THOC5: variants seen among roughly 807,000 people sequenced by gnomAD.
THOC5 encodes the protein Fms-interacting protein.
In THOC5, 43 loss-of-function variants were observed where a neutral mutation model predicts 92.9. That is an observed-to-expected ratio of 0.46 (90% CI 0.36 to 0.60). THOC5 has a LOEUF of 0.60. Ranked by LOEUF, THOC5 falls within the 20% of genes least tolerant of loss-of-function variation. THOC5 has a pLI of 0.00. For missense variants in THOC5, 659 were observed against 849.4 expected (o/e 0.78, Z 2.79); for synonymous variants, 296 against 320.1 (o/e 0.92, Z 0.80).
At chr22:29,529,815 C>T (rs2063616809) in intron 8 of THOC5, among the ~76,000 whole-genome samples, 1 of 152,164 alleles carries the variant, frequency 6.6e-6, no homozygotes, top group African/African-American at 2.4e-5. Context: ...ACTGTCTGAG[C>T]CTCAGTTTCT....
Position 29,517,375 on chromosome 22 carries a change from G to C in THOC5, c.1490-9C>G. The stretch of plus-strand genomic sequence containing the variant: ...TGGCACAATGCCATGTTCTAAAAGA[G>C]AACAAGACAGATGACGTCACAGGTA... On this transcript the variant is annotated splice_polypyrimidine_tract_variant and intron_variant, in intron 15 of 19. Coordinates refer to ENST00000490103, the MANE Select transcript of THOC5 (RefSeq NM_003678.5). The C allele has an allele frequency of 6.2e-7, 1 of 1,611,950 alleles. No individual in the cohort carries two copies. Among genetic ancestry groups the C allele is most frequent in the Non-Finnish European group, 8.5e-7 (1 of 1,178,500 alleles).
At chr22:29,541,403 A>G (rs571710055) in intron 5 of THOC5, among the ~76,000 whole-genome samples, 2 of 148,680 alleles carry the variant, frequency 1.3e-5, no homozygotes, top group East Asian at 4.2e-4. Flanking sequence ...GCTACTCAGG[A>G]GGCTGAAATG....
chr22:29,536,349 GTAAAC>G (rs1479509162), intron 7 of THOC5: 8 of 343,030 alleles, frequency 2.3e-5, no homozygotes, highest in Non-Finnish European at 4.2e-5. Flanking sequence ...CATGCAGGGG[GTAAAC>G]TAAATTTACA....
rs758561134 is a variant in THOC5, at chr22:29,528,410, A to G, written c.966+16T>C. 6 of 1,613,968 alleles carry G rather than the reference A, an allele frequency of 3.7e-6. No homozygotes were observed. Among genetic ancestry groups the G allele is most frequent in the Non-Finnish European group, 5.1e-6 (6 of 1,180,018 alleles). On this transcript the variant is annotated intron_variant, in intron 10 of 19. Coordinates refer to ENST00000490103, the MANE Select transcript of THOC5 (RefSeq NM_003678.5). Reference sequence around the variant, plus strand: ...TGCAGCTGCTTGATGCCCCCACAAGAGGAAATGGTTCTCACCGTAGTCTGC... The same window carrying G: ...TGCAGCTGCTTGATGCCCCCACAAGGGGAAATGGTTCTCACCGTAGTCTGC...
chr22:29,521,896 C>T (rs1035990986), intron 12 of THOC5, among the ~76,000 whole-genome samples: 3 of 152,116 alleles, frequency 2.0e-5, no homozygotes, highest in Non-Finnish European at 2.9e-5. Context: ...TTGGGCAGCA[C>T]GTGCCGGTCC....
chr22:29,541,392 A>C (rs1280680646), intron 5 of THOC5, among the ~76,000 whole-genome samples: 2 of 151,254 alleles, frequency 1.3e-5, no homozygotes, highest in Non-Finnish European at 2.9e-5. Context: ...CAATAGTCCC[A>C]GCTACTCAGG....
At chr22:29,550,993 A>G (rs2064130640) in intron 1 of THOC5, 1 of 152,190 alleles carries the variant, frequency 6.6e-6, no homozygotes, top group East Asian at 1.9e-4. Flanking sequence ...GCCTTAAACA[A>G]CAAAATCTAG....
intron 15 of THOC5, 87 bp from the exon 16 acceptor site, chr22:29,517,453 G>T: frequency 8.6e-7 from 1 of 1,167,928 alleles, no homozygotes; most frequent in Admixed American, 2.0e-5. Context: ...CTCTCTGAAG[G>T]GCTCAGATGG....
intron 12 of THOC5, among the ~76,000 whole-genome samples, chr22:29,522,104 A>C (rs572432531): frequency 6.6e-6 from 1 of 151,744 alleles, no homozygotes; most frequent in South Asian, 2.1e-4. Context: ...TAATCCCAGC[A>C]CTTTGAGAGG....
chr22:29,528,427 G>A lies in THOC5; in HGVS notation c.965C>T (p.Thr322Met), dbSNP rs760121204. ...CCCACAAGAGGAAATGGTTCTCACC[G>A]TAGTCTGCTCCTCCTCGGCATCTGA... ...SDSDAEEEQT[T>M]KRRRPTLGVQ... Residue 322 changes from threonine to methionine, a missense_variant and splice_region_variant, in exon 10 of 20, where the codon ACG (threonine) becomes ATG (methionine). Transcript: ENST00000490103. The A allele has an allele frequency of 4.5e-5, 72 of 1,613,648 alleles. No individual in the cohort carries two copies. The highest frequency in any genetic ancestry group is 7.7e-5 in the South Asian group (7 of 91,076).
Position 29,508,404 on chromosome 22 carries a change from A to G in THOC5, c.*53T>C. ...ACATGTGGGCCAGAGCAGAAAGCAG[A>G]AGCCCAGTGCTCAGGGTGAGGCCTT... On this transcript the variant is annotated 3_prime_UTR_variant, in exon 20 of 20. Transcript: ENST00000490103. 6.4e-7 allele frequency: 1 copy of G among 1,557,970 alleles called. No individual in the cohort carries two copies. The highest frequency in any genetic ancestry group is 1.1e-5 in the South Asian group (1 of 89,678).
At chr22:29,521,241 G>A (rs1422572137) in intron 12 of THOC5, 142 bp from the exon 13 acceptor site, 8 of 650,624 alleles carry the variant, frequency 1.2e-5, no homozygotes, top group South Asian at 3.6e-5. Flanking sequence ...GGGCCAGACC[G>A]TTTATATGCT....
intron 7 of THOC5, 120 bp downstream of exon 7, chr22:29,536,504 G>A (rs1250572189): frequency 3.1e-6 from 2 of 638,392 alleles, no homozygotes; most frequent in African/African-American, 1.8e-5. Flanking sequence ...TGCAGACAAG[G>A]CCATCCTTAT....
intron 3 of THOC5, 98 bp downstream of exon 3, chr22:29,544,362 G>T: frequency 7.4e-7 from 1 of 1,345,000 alleles, no homozygotes; most frequent in Non-Finnish European, 1.0e-6. Flanking sequence ...TCATGGCTAG[G>T]ACAGAAGATC....
rs367583357 is a variant in THOC5 at position 29,517,332 on chromosome 22, C to T, written c.1524G>A (p.Gln508=). The T allele has an allele frequency of 5.6e-6, 9 of 1,614,096 alleles. No homozygotes were observed. The highest frequency in any genetic ancestry group is 1.1e-5 in the South Asian group (1 of 91,088). The part of the protein sequence containing the change: ...HGIVPVTSDC[Q]YLFPAKVVSR... Reference sequence around the variant, plus strand: ...AGACAACCTTGGCAGGGAAGAGGTACTGGCAATCACTGGTAACTGGCACAA... The same window carrying T: ...AGACAACCTTGGCAGGGAAGAGGTATTGGCAATCACTGGTAACTGGCACAA... The change falls in exon 16 of 20, where the codon CAG becomes CAA. Residue 508 remains glutamine (Q), a synonymous_variant. Transcript: ENST00000490103.
chr22:29,521,432 A>C (rs1044381843), intron 12 of THOC5, among the ~76,000 whole-genome samples: 2 of 152,056 alleles, frequency 1.3e-5, no homozygotes, highest in Non-Finnish European at 2.9e-5. Context: ...TTTTTAAAAA[A>C]CTCATCCCTT....
chr22:29,530,769 C>T (rs990964908), intron 8 of THOC5, among the ~76,000 whole-genome samples: 5 of 152,198 alleles, frequency 3.3e-5, no homozygotes, highest in South Asian at 2.1e-4. Flanking sequence ...GAGGGTCTAG[C>T]GTTGTGAGGT....
At chr22:29,538,795 T>A (rs2063813214) in intron 6 of THOC5, among the ~76,000 whole-genome samples, 3 of 87,174 alleles carry the variant, frequency 3.4e-5, no homozygotes, top group Non-Finnish European at 4.0e-5. Context: ...AAACGCCATC[T>A]CTTTGGAAAA....
intron 11 of THOC5, 83 bp from the exon 12 acceptor site, chr22:29,526,029 G>T: frequency 9.1e-6 from 5 of 548,628 alleles, no homozygotes; most frequent in South Asian, 3.1e-5. Context: ...AGTAAGGTGG[G>T]GGGGTCAAGT....
Sources: allele counts gnomAD v4.1 joint callset (sites outside exome capture counted in the v4.1 genomes callset), GRCh38; gene constraint gnomAD v4.1.1; transcripts MANE v1.5; gene names NCBI Gene and HGNC (gene_info 2026-07-23, HGNC 2026-07-21).